CELF5: variants seen among roughly 807,000 people sequenced by gnomAD.
CELF5 encodes CUG-BP and ETR-3 like factor 5.
In CELF5, 6 loss-of-function variants were observed where a neutral mutation model predicts 54.9. That is an observed-to-expected ratio of 0.11 (90% CI 0.06 to 0.22). CELF5 has a LOEUF of 0.22. Ranked by LOEUF, CELF5 falls within the 10% of genes least tolerant of loss-of-function variation. The probability of loss-of-function intolerance (pLI) is 1.00; values close to 1 mark genes in which losing one functional copy is unlikely to be tolerated. For synonymous variants in CELF5, 271 were observed against 290.9 expected (o/e 0.93, Z 0.70); for missense variants, 401 against 678.6 (o/e 0.59, Z 4.54).
chr19:3,293,193 G>T, intron 11 of CELF5, 126 bp from the exon 12 acceptor site: 1 of 1,263,376 alleles, frequency 7.9e-7, no homozygotes, highest in Non-Finnish European at 1.1e-6. Flanking sequence ...CAAACACCCT[G>T]GCCTGTGCAG....
intron 5 of CELF5, among the ~76,000 whole-genome samples, chr19:3,280,442 GC>G (rs2080130258): frequency 6.6e-6 from 1 of 152,078 alleles, no homozygotes; most frequent in Non-Finnish European, 1.5e-5. Flanking sequence ...GGGCGTGATG[GC>G]GGGCACCTGT....
rs2080159155 is a variant in CELF5, at chr19:3,281,963, C to T, written c.751-163C>T. ...TCACTTCCGAACCGATCTCTGCTCC[C>T]AGGCTGAGCCTTGATCCCAGTCTGA... On this transcript the variant is annotated intron_variant, in intron 6 of 12. Transcript: ENST00000292672. The surrounding 1 kb of genome is among the most constrained non-coding windows in gnomAD (Gnocchi z 6.5). Among the ~76,000 whole-genome samples the T allele has an allele frequency of 1.3e-5, 2 of 152,040 alleles. No homozygotes were observed. The highest frequency in any genetic ancestry group is 4.8e-5 in the African/African-American group (2 of 41,382).
At chr19:3,242,622 T>C (rs986029639) in intron 1 of CELF5, among the ~76,000 whole-genome samples, 2 of 151,794 alleles carry the variant, frequency 1.3e-5, no homozygotes, top group African/African-American at 4.8e-5. Flanking sequence ...CTGGCCGAGA[T>C]GGTGAAAATC....
chr19:3,245,556 A>G (rs1280177958), intron 1 of CELF5, among the ~76,000 whole-genome samples: 2 of 150,926 alleles, frequency 1.3e-5, no homozygotes, highest in Non-Finnish European at 2.9e-5. Flanking sequence ...CCCTGCAGAC[A>G]AGGAGTCCAC....
At chr19:3,293,260 AG>A in intron 11 of CELF5, 58 bp from the exon 12 acceptor site, 3 of 1,601,924 alleles carry the variant, frequency 1.9e-6, no homozygotes, top group Non-Finnish European at 2.6e-6. Flanking sequence ...GCCACAGCAT[AG>A]GAACAAGCCG....
intron 8 of CELF5, among the ~76,000 whole-genome samples, chr19:3,284,383 T>G (rs1291547358): frequency 6.6e-6 from 1 of 152,184 alleles, no homozygotes; most frequent in Non-Finnish European, 1.5e-5. Context: ...TGGCTGAATT[T>G]TTCCCCAGAA....
At chr19:3,272,363 G>A (rs919539095) in intron 2 of CELF5, among the ~76,000 whole-genome samples, 19 of 148,166 alleles carry the variant, frequency 1.3e-4, no homozygotes, top group Non-Finnish European at 8.9e-5. Context: ...GTGAGAGTCC[G>A]TCCCAAGAAA....
Position 3,281,102 on chromosome 19 carries a change from C to A in CELF5, c.604-97C>A. On this transcript the variant is annotated intron_variant, in intron 5 of 12. Transcript: ENST00000292672. This position sits in a 1 kb window ranked among gnomAD's most constrained non-coding sequence, Gnocchi z 6.5. ...GCTGACAGCCACTGGCATTACACCC[C>A]TCACCCAGGAGGCCTGAGCTAACAT... 1 of 1,430,012 alleles carries A rather than the reference C, an allele frequency of 7.0e-7. No homozygotes were observed. Among genetic ancestry groups the A allele is most frequent in the Non-Finnish European group, 9.6e-7 (1 of 1,045,010 alleles). 88.6% of individuals were successfully genotyped at this position (1,430,012 alleles called of 1,614,324 possible).
intron 4 of CELF5, among the ~76,000 whole-genome samples, 182 bp from the exon 5 acceptor site, chr19:3,277,849 C>A (rs1446885162): frequency 6.6e-6 from 1 of 152,198 alleles, no homozygotes; most frequent in Non-Finnish European, 1.5e-5. Flanking sequence ...GACCCTTGAT[C>A]TGGCTGATTG....
intron 1 of CELF5, among the ~76,000 whole-genome samples, chr19:3,250,445 C>T (rs2079633187): frequency 1.3e-5 from 2 of 152,120 alleles, no homozygotes; most frequent in Non-Finnish European, 2.9e-5. Flanking sequence ...GCCGAGATCG[C>T]GCCACTGCAC....
chr19:3,225,083 C>A, intron 1 of CELF5, 85 bp downstream of exon 1: 1 of 941,234 alleles, frequency 1.1e-6, no homozygotes, highest in Non-Finnish European at 1.6e-6. Flanking sequence ...CATCACCATC[C>A]CTCCTCTGCT....
At chr19:3,231,239 C>T (rs1917237142) in intron 1 of CELF5, among the ~76,000 whole-genome samples, 1 of 152,128 alleles carries the variant, frequency 6.6e-6, no homozygotes, top group African/African-American at 2.4e-5. Flanking sequence ...TGTGGATGAA[C>T]AAGGGCATGA....
At chr19:3,253,442 G>A (rs934275839) in intron 2 of CELF5, among the ~76,000 whole-genome samples, 1 of 152,154 alleles carries the variant, frequency 6.6e-6, no homozygotes, top group Non-Finnish European at 1.5e-5. Context: ...GGAGGCCTCA[G>A]TTTCTCACCA....
At chr19:3,238,800 G>A (rs1266558589) in intron 1 of CELF5, among the ~76,000 whole-genome samples, 5 of 152,206 alleles carry the variant, frequency 3.3e-5, no homozygotes, top group East Asian at 3.9e-4. Flanking sequence ...GTGTGGCGGC[G>A]GGTGCCTGTA....
At chr19:3,284,059 C>A (rs951840598) in intron 8 of CELF5, among the ~76,000 whole-genome samples, 2 of 151,708 alleles carry the variant, frequency 1.3e-5, no homozygotes, top group African/African-American at 4.8e-5. Context: ...GTTGCCCAAG[C>A]TGGTCTCGAA....
At chr19:3,231,489 G>C (rs1917254115) in intron 1 of CELF5, among the ~76,000 whole-genome samples, 1 of 137,458 alleles carries the variant, frequency 7.3e-6, no homozygotes, top group South Asian at 2.2e-4. Flanking sequence ...TGGATGGATG[G>C]ATGGGTGGAT....
intron 5 of CELF5, among the ~76,000 whole-genome samples, chr19:3,279,028 G>A (rs796876025): frequency 6.6e-6 from 1 of 152,210 alleles, no homozygotes; most frequent in Non-Finnish European, 1.5e-5. Context: ...GACAGGCCAG[G>A]TCGGTTGCAA....
In CELF5 at chr19:3,285,069, C is replaced by T. The variant is rs2080216409; in HGVS notation, c.1102+105C>T. The T allele has an allele frequency of 3.5e-6, 3 of 859,540 alleles. No individual in the cohort carries two copies. The Admixed American group carries it at 7.0e-5, about 20-fold the overall frequency. The allele number at this position is 859,540 out of a possible 1,614,324, so 53.2% of individuals were successfully genotyped here. Reference sequence around the variant, plus strand: ...CGTGTCGTTCTTCTGTGCCTAGCCGCGCCTCCTACCTCTGGCCCCGCCCCT... The same window carrying T: ...CGTGTCGTTCTTCTGTGCCTAGCCGTGCCTCCTACCTCTGGCCCCGCCCCT... On this transcript the variant is annotated intron_variant, in intron 9 of 12. Transcript: ENST00000292672.
intron 1 of CELF5, among the ~76,000 whole-genome samples, chr19:3,231,466 ATGGATGGATGGATGGATGGATGGATGGG>A (rs1051132646): frequency 6.8e-6 from 1 of 148,092 alleles, no homozygotes; most frequent in Non-Finnish European, 1.5e-5. Context: ...GGATGGATGG[ATGGATGGATGGATGGATGGATGGATGGG>A]TGGATGAATG....
Sources: allele counts gnomAD v4.1 joint callset (sites outside exome capture counted in the v4.1 genomes callset), GRCh38; gene constraint gnomAD v4.1.1; non-coding constraint Gnocchi (gnomAD v3.1); transcripts MANE v1.5; gene names NCBI Gene and HGNC (gene_info 2026-07-23, HGNC 2026-07-21).